The following RTL9 variants were observed in gnomAD, a reference collection of about 807,000 sequenced individuals.
The protein encoded by RTL9 is retrotransposon Gag like 9, also known as retrotransposon Gag-like protein 9.
A neutral mutation model predicts 44.7 loss-of-function variants in RTL9; 19 were observed. That is an observed-to-expected ratio of 0.42 (90% CI 0.30 to 0.62). RTL9 has a LOEUF of 0.62. RTL9 is among the 20% of genes least tolerant of loss of function. The probability of loss-of-function intolerance (pLI) is 0.16; values close to 1 mark genes in which losing one functional copy is unlikely to be tolerated. For synonymous variants in RTL9, 407 were observed against 398.9 expected, an observed-to-expected ratio of 1.02 and a Z score of -0.24; for missense variants, 1,105 against 1,080.6, an observed-to-expected ratio of 1.02 and a Z score of -0.32.
chrX:110,385,167 G>A (rs755470252), intron 1 of RTL9, among the ~76,000 whole-genome samples: 3 of 110,988 alleles, frequency 2.7e-5, no homozygotes, highest in Non-Finnish European at 5.7e-5. Flanking sequence ...ATCACTTAAC[G>A]TTTGCATCCT....
intron 1 of RTL9, among the ~76,000 whole-genome samples, chrX:110,365,696 C>A (rs989208636): frequency 2.7e-5 from 3 of 111,996 alleles, no homozygotes; most frequent in African/African-American, 9.7e-5. Flanking sequence ...CAGACTAAAC[C>A]TATTTTCCTT....
chrX:110,431,322 G>A (rs866109867), intron 1 of RTL9, among the ~76,000 whole-genome samples: 10 of 77,521 alleles, frequency 1.3e-4, no homozygotes, highest in Non-Finnish European at 2.2e-4. Context: ...TGAGGGGAAG[G>A]CTGTGTGTGT....
At chrX:110,396,807 C>T (rs773246053) in intron 1 of RTL9, among the ~76,000 whole-genome samples, 3 of 112,067 alleles carry the variant, frequency 2.7e-5, no homozygotes, top group African/African-American at 6.5e-5. Flanking sequence ...TGAAGGGACT[C>T]GTGTCCTGGG....
chrX:110,393,382 A>G (rs147946848), intron 1 of RTL9, among the ~76,000 whole-genome samples: 1,448 of 111,997 alleles, frequency 0.013, 13 homozygotes, highest in Middle Eastern at 0.037. Context: ...CAGGTGCTTT[A>G]TTTTCATCTC....
intron 1 of RTL9, among the ~76,000 whole-genome samples, chrX:110,443,280 C>G (rs1381838550): frequency 9.0e-6 from 1 of 111,139 alleles, no homozygotes; most frequent in Non-Finnish European, 1.9e-5. Flanking sequence ...TTCTGAAACT[C>G]TAGTGTTTCA....
At chrX:110,398,599 A>G (rs1159057048) in intron 1 of RTL9, among the ~76,000 whole-genome samples, 1 of 111,945 alleles carries the variant, frequency 8.9e-6, no homozygotes, top group East Asian at 2.8e-4. Flanking sequence ...TGACTTGCCC[A>G]AGGTCATAGA....
chrX:110,398,487 T>C (rs189026571), intron 1 of RTL9, among the ~76,000 whole-genome samples: 10 of 112,474 alleles, frequency 8.9e-5, no homozygotes, highest in African/African-American at 3.2e-4. Context: ...GTACAGAGAA[T>C]CCCTATGCAT....
intron 1 of RTL9, among the ~76,000 whole-genome samples, chrX:110,392,296 A>AGACAAGG (rs1428514768): frequency 1.5e-5 from 1 of 67,416 alleles, no homozygotes; most frequent in Non-Finnish European, 2.6e-5. Flanking sequence ...TTTTTTTTTG[A>AGACAAGG]GACAAGGTCT....
chrX:110,364,203 C>T (rs764759658), intron 1 of RTL9, among the ~76,000 whole-genome samples: 8 of 111,618 alleles, frequency 7.2e-5, no homozygotes, highest in Middle Eastern at 4.6e-3. Context: ...AGATGGGCTT[C>T]TCCCTTGTCT....
intron 1 of RTL9, among the ~76,000 whole-genome samples, chrX:110,434,819 G>A (rs1056360367): frequency 1.1e-4 from 12 of 110,421 alleles, no homozygotes; most frequent in Non-Finnish European, 1.7e-4. Flanking sequence ...GACTGGATGG[G>A]GTTTCTCCTC....
intron 1 of RTL9, among the ~76,000 whole-genome samples, chrX:110,387,527 G>A (rs911013153): frequency 8.9e-6 from 1 of 112,044 alleles, no homozygotes; most frequent in Admixed American, 9.4e-5. Flanking sequence ...TAGAATCATA[G>A]TTCTTAGACT....
intron 1 of RTL9, among the ~76,000 whole-genome samples, chrX:110,379,073 C>G (rs763778948): frequency 4.4e-4 from 49 of 112,131 alleles, no homozygotes; most frequent in Non-Finnish European, 7.7e-4. Context: ...AGTTTGGAGA[C>G]CTTTCCCTGA....
At chrX:110,379,865 T>C (rs181863662) in intron 1 of RTL9, among the ~76,000 whole-genome samples, 1 of 112,460 alleles carries the variant, frequency 8.9e-6, no homozygotes, top group Non-Finnish European at 1.9e-5. Context: ...ATTGAGCATC[T>C]ACCATTTGAT....
chrX:110,429,474 G>GT (rs768648303), intron 1 of RTL9, among the ~76,000 whole-genome samples: 11,693 of 67,628 alleles, frequency 0.17, 738 homozygotes, highest in Non-Finnish European at 0.22. Flanking sequence ...TTTTTTTTTT[G>GT]TTTTGTTTTT....
chrX:110,387,903 C>T (rs2068468073), intron 1 of RTL9, among the ~76,000 whole-genome samples: 1 of 101,358 alleles, frequency 9.9e-6, no homozygotes, highest in Non-Finnish European at 2.0e-5. Context: ...ACTCTGTCGC[C>T]CAGGCTGGAG....
At chrX:110,442,241 CTCTCTCTGTGTGTG>C (rs1256018486) in intron 1 of RTL9, among the ~76,000 whole-genome samples, 9 of 104,865 alleles carry the variant, frequency 8.6e-5, no homozygotes, top group African/African-American at 3.2e-4. Flanking sequence ...CTCTCTCTCT[CTCTCTCTGTGTGTG>C]TGTGTGTGTG....
intron 1 of RTL9, among the ~76,000 whole-genome samples, chrX:110,360,338 A>C (rs992815742): frequency 4.5e-5 from 5 of 111,951 alleles, no homozygotes; most frequent in African/African-American, 1.6e-4. Context: ...GGACCTACAG[A>C]ATAGGTAGGC....
chrX:110,383,267 A>G (rs1041282016), intron 1 of RTL9, among the ~76,000 whole-genome samples: 4 of 110,698 alleles, frequency 3.6e-5, no homozygotes, highest in African/African-American at 1.3e-4. Context: ...CTTTCCCACC[A>G]TGGCCCATCC....
intron 1 of RTL9, among the ~76,000 whole-genome samples, chrX:110,436,131 G>C (rs1308663869): frequency 8.9e-6 from 1 of 112,523 alleles, no homozygotes; most frequent in African/African-American, 3.2e-5. Context: ...CGCTGATTTA[G>C]GTCTGGAGTT....
Sources: gnomAD v4.1 joint callset for allele counts (sites outside exome capture counted in the v4.1 genomes callset) on GRCh38, gnomAD v4.1.1 for gene constraint, MANE v1.5 for transcripts, NCBI Gene and HGNC (gene_info 2026-07-23, HGNC 2026-07-21) for gene names.